The following SLC35D4 variants were observed in gnomAD, a reference collection of about 807,000 sequenced individuals.
SLC35D4 encodes solute carrier family 35 member D4, also known as UDP-N-acetylglucosamine transporter SLC35D4.
At chr18:23,305,800 T>C in the SLC35D4 span, among the ~76,000 whole-genome samples, 2 of 152,212 alleles carry the variant, frequency 1.3e-5, no homozygotes, top group African/African-American at 4.8e-5. Flanking sequence ...TAGGATGATT[T>C]AGATATGGAC....
At chr18:23,301,812 C>A in the SLC35D4 span, among the ~76,000 whole-genome samples, 2 of 152,178 alleles carry the variant, frequency 1.3e-5, no homozygotes, top group African/African-American at 4.8e-5. Context: ...TGCTTCAAAT[C>A]TCCTTTGCTG....
At chr18:23,293,159 G>A in the SLC35D4 span, among the ~76,000 whole-genome samples, 14 of 152,276 alleles carry the variant, frequency 9.2e-5, 1 homozygote, top group Admixed American at 5.9e-4. Context: ...CAGGAGAATC[G>A]CTTGAACCTG....
At chr18:23,295,215 G>A in the SLC35D4 span, among the ~76,000 whole-genome samples, 3 of 150,282 alleles carry the variant, frequency 2.0e-5, no homozygotes, top group South Asian at 4.3e-4. Context: ...GGCCTGTCGG[G>A]GGGTGGGGAG....
At chr18:23,387,293 C>T in the SLC35D4 span, among the ~76,000 whole-genome samples, 2 of 152,178 alleles carry the variant, frequency 1.3e-5, no homozygotes, top group Non-Finnish European at 2.9e-5. Context: ...TGTCATCACT[C>T]TGGGCTCCAG....
At chr18:23,242,899 G>A in the SLC35D4 span, among the ~76,000 whole-genome samples, 2 of 152,046 alleles carry the variant, frequency 1.3e-5, no homozygotes, top group Non-Finnish European at 2.9e-5. Flanking sequence ...TTTCAGTACA[G>A]CATGAGATGC....
chr18:23,256,725 T>C, the SLC35D4 span, among the ~76,000 whole-genome samples: 1 of 152,164 alleles, frequency 6.6e-6, no homozygotes, highest in African/African-American at 2.4e-5. Context: ...CCTCAAGTGA[T>C]CCACCCACCT....
At chr18:23,404,762 C>G in the SLC35D4 span, among the ~76,000 whole-genome samples, 10 of 150,634 alleles carry the variant, frequency 6.6e-5, no homozygotes, top group Admixed American at 2.7e-4. Context: ...CCGAGGCAGG[C>G]AGATTACAAG....
chr18:23,306,937 G>C, the SLC35D4 span, among the ~76,000 whole-genome samples: 1 of 152,340 alleles, frequency 6.6e-6, no homozygotes, highest in South Asian at 2.1e-4. Context: ...CCTGGTCACA[G>C]GGAAGGAAAC....
chr18:23,364,925 AAAAAAAAAG>A, the SLC35D4 span, among the ~76,000 whole-genome samples: 11 of 1,526 alleles, frequency 7.2e-3, 1 homozygote, highest in South Asian at 0.28. Context: ...AAAAAAAAAA[AAAAAAAAAG>A]GACTCCTTTC....
chr18:23,435,573 TA>T, the SLC35D4 span, among the ~76,000 whole-genome samples: 2 of 152,246 alleles, frequency 1.3e-5, no homozygotes, highest in African/African-American at 4.8e-5. Context: ...ACAAATCTGT[TA>T]AAAGTTACTA....
chr18:23,409,865 G>T, the SLC35D4 span, among the ~76,000 whole-genome samples: 47 of 6,358 alleles, frequency 7.4e-3, no homozygotes, highest in African/African-American at 0.024. Context: ...AAAAAAAAAA[G>T]AGGATGGTTG....
chr18:23,424,795 G>A, the SLC35D4 span, among the ~76,000 whole-genome samples: 1 of 152,140 alleles, frequency 6.6e-6, no homozygotes, highest in Non-Finnish European at 1.5e-5. Context: ...AAGCTGCAGA[G>A]AGCTATGGAG....
the SLC35D4 span, among the ~76,000 whole-genome samples, chr18:23,247,650 C>T: frequency 6.6e-6 from 1 of 152,238 alleles, no homozygotes; most frequent in Non-Finnish European, 1.5e-5. Context: ...GTGCACTGGG[C>T]CGCCGGGCAC....
At chr18:23,283,125 G>A in the SLC35D4 span, among the ~76,000 whole-genome samples, 3 of 152,178 alleles carry the variant, frequency 2.0e-5, no homozygotes, top group Admixed American at 6.5e-5. Flanking sequence ...CAGACTCCAA[G>A]AGGGTGTTCT....
chr18:23,413,060 G>A, the SLC35D4 span, among the ~76,000 whole-genome samples: 1 of 152,210 alleles, frequency 6.6e-6, no homozygotes, highest in South Asian at 2.1e-4. Context: ...AAAGAGATGG[G>A]GTCTCACTAT....
chr18:23,391,231 A>AAAAAGAAAG, the SLC35D4 span, among the ~76,000 whole-genome samples: 22 of 152,056 alleles, frequency 1.4e-4, no homozygotes, highest in African/African-American at 5.1e-4. Flanking sequence ...AGAAAAAAAA[A>AAAAAGAAAG]AAAAGAAAGA....
At chr18:23,389,122 T>C in the SLC35D4 span, among the ~76,000 whole-genome samples, 1 of 151,734 alleles carries the variant, frequency 6.6e-6, no homozygotes. Flanking sequence ...CCTGAGTAGC[T>C]GGGACTACAG....
the SLC35D4 span, chr18:23,377,617 G>A: frequency 3.2e-6 from 5 of 1,567,964 alleles, no homozygotes; most frequent in Non-Finnish European, 4.3e-6. Flanking sequence ...TTATATTATG[G>A]CTTTTTGGGG....
At chr18:23,346,497 CT>C in the SLC35D4 span, among the ~76,000 whole-genome samples, 1 of 150,240 alleles carries the variant, frequency 6.7e-6, no homozygotes, top group African/African-American at 2.4e-5. Context: ...AATTTTATTT[CT>C]TCCTTTCCAA....
Sources: allele counts gnomAD v4.1 joint callset (sites outside exome capture counted in the v4.1 genomes callset), GRCh38; gene constraint gnomAD v4.1.1; transcripts MANE v1.5; gene names NCBI Gene and HGNC (gene_info 2026-07-23, HGNC 2026-07-21).